VPS8: variants seen among roughly 807,000 people sequenced by gnomAD.
VPS8 encodes VPS8 subunit of CORVET complex, also known as vacuolar protein sorting-associated protein 8 homolog.
In VPS8, 129 loss-of-function variants were observed where a neutral mutation model predicts 216.4. That is an observed-to-expected ratio of 0.60 (90% CI 0.52 to 0.69). The LOEUF is 0.69. VPS8 is among the 30% of genes least tolerant of loss of function. VPS8 has a pLI of 0.00. For synonymous variants in VPS8, 571 were observed against 565.4 expected, an observed-to-expected ratio of 1.01 and a Z score of -0.14; for missense variants, 1,531 against 1,683.5, an observed-to-expected ratio of 0.91 and a Z score of 1.59.
intron 24 of VPS8, among the ~76,000 whole-genome samples, chr3:184,899,435 T>G (rs1032472608): frequency 9.2e-5 from 14 of 152,260 alleles, no homozygotes. Flanking sequence ...GGTAGGCTTC[T>G]TTAAGCACAT....
intron 45 of VPS8, among the ~76,000 whole-genome samples, chr3:185,019,531 T>C (rs762046785): frequency 7.2e-5 from 11 of 152,182 alleles, no homozygotes; most frequent in African/African-American, 1.4e-4. Context: ...AATAAAGGGA[T>C]GGGCCGAAAT....
intron 22 of VPS8, among the ~76,000 whole-genome samples, chr3:184,888,038 A>G (rs1731618309): frequency 6.7e-6 from 1 of 149,214 alleles, no homozygotes; most frequent in African/African-American, 2.5e-5. Context: ...CCCAGGCTGG[A>G]GTGCAGTGGC....
At chr3:184,897,083 T>C (rs1040122161) in intron 23 of VPS8, among the ~76,000 whole-genome samples, 1 of 152,232 alleles carries the variant, frequency 6.6e-6, no homozygotes, top group African/African-American at 2.4e-5. Context: ...AAGGTATAGA[T>C]CTTTCCATTT....
At chr3:184,935,862 A>T (rs1235772780) in intron 34 of VPS8, among the ~76,000 whole-genome samples, 1 of 152,194 alleles carries the variant, frequency 6.6e-6, no homozygotes, top group Non-Finnish European at 1.5e-5. Flanking sequence ...CAGATAAATT[A>T]CAACTATTCT....
intron 30 of VPS8, among the ~76,000 whole-genome samples, chr3:184,926,244 G>C (rs971930763): frequency 6.6e-6 from 1 of 151,850 alleles, no homozygotes; most frequent in Admixed American, 6.6e-5. Context: ...GGGCGTGGTG[G>C]CGGGCACCTG....
intron 15 of VPS8, among the ~76,000 whole-genome samples, chr3:184,860,533 C>G (rs1726157062): frequency 1.3e-5 from 2 of 151,364 alleles, no homozygotes; most frequent in Admixed American, 6.6e-5. Context: ...ATTGAATAAA[C>G]TCTGAATGTG....
chr3:184,904,893 C>A (rs1290054965), intron 25 of VPS8, among the ~76,000 whole-genome samples: 2 of 152,278 alleles, frequency 1.3e-5, no homozygotes, highest in African/African-American at 4.8e-5. Context: ...GCTGCTGTAA[C>A]AGAATACCTA....
At position 185,051,984 on chromosome 3, in the gene VPS8, T is replaced by G; in HGVS notation, c.4246T>G (p.Phe1416Val). ...CAACAGCATCTTCCAGAATGAGAAC[T>G]TCCAGCTGCAGCTCATTCCTCCACC... The part of the protein sequence containing the change: ...AFNSIFQNEN[F>V]QLQLIPPPVT... The change falls in exon 48 of 48, where the codon TTC becomes GTC. Residue 1416 changes from phenylalanine (F) to valine (V), a missense_variant. By Grantham distance (50) the Phe-to-Val change is conservative (BLOSUM62 -1). This residue lies in a region of VPS8 where 1,318 missense variants were observed against 1,468.4 expected (regional missense o/e 0.90). Transcript: ENST00000625842. 1 of 1,611,964 alleles carries G rather than the reference T, an allele frequency of 6.2e-7. No homozygotes were observed. The highest frequency in any genetic ancestry group is 8.5e-7 in the Non-Finnish European group (1 of 1,178,330).
chr3:184,842,927 CTT>C (rs59087346), intron 7 of VPS8, among the ~76,000 whole-genome samples: 3 of 144,232 alleles, frequency 2.1e-5, no homozygotes, highest in African/African-American at 2.5e-5. Flanking sequence ...TAGTTTTCCT[CTT>C]TTTTTTTTTG....
chr3:185,051,337 C>G (rs1465974404), intron 47 of VPS8, among the ~76,000 whole-genome samples: 1 of 152,098 alleles, frequency 6.6e-6, no homozygotes, highest in Non-Finnish European at 1.5e-5. Context: ...TCCAGGGGTT[C>G]CACTCTGGAA....
chr3:184,973,803 T>C (rs944153296), intron 40 of VPS8, among the ~76,000 whole-genome samples: 30 of 152,188 alleles, frequency 2.0e-4, no homozygotes, highest in African/African-American at 7.0e-4. Flanking sequence ...GATATTTGTC[T>C]TTCTGTGCAT....
chr3:184,851,357 T>G (rs1240379191), intron 10 of VPS8, among the ~76,000 whole-genome samples: 1 of 152,162 alleles, frequency 6.6e-6, no homozygotes, highest in African/African-American at 2.4e-5. Flanking sequence ...TCTGAAGTCT[T>G]CTACTGACAT....
chr3:184,816,686 C>G (rs887941586), intron 1 of VPS8, among the ~76,000 whole-genome samples: 11 of 152,206 alleles, frequency 7.2e-5, no homozygotes, highest in Non-Finnish European at 5.9e-5. Context: ...CAGAGACTGA[C>G]AAGCGGTGGG....
intron 21 of VPS8, among the ~76,000 whole-genome samples, chr3:184,873,837 A>G (rs1728775880): frequency 6.6e-6 from 1 of 152,170 alleles, no homozygotes; most frequent in African/African-American, 2.4e-5. Flanking sequence ...CTGGGCCAAC[A>G]TGAATAATTT....
At chr3:184,934,523 A>C (rs1741262464) in intron 34 of VPS8, among the ~76,000 whole-genome samples, 1 of 152,166 alleles carries the variant, frequency 6.6e-6, no homozygotes, top group African/African-American at 2.4e-5. Flanking sequence ...TGCTGTTGTT[A>C]ATGGCATTTT....
At chr3:184,830,539 T>C (rs1719769026) in intron 3 of VPS8, among the ~76,000 whole-genome samples, 1 of 152,074 alleles carries the variant, frequency 6.6e-6, no homozygotes, top group South Asian at 2.1e-4. Flanking sequence ...TTGGGGATAA[T>C]TGATACTTTT....
At chr3:184,992,279 C>G (rs1396861420) in intron 42 of VPS8, among the ~76,000 whole-genome samples, 1 of 152,154 alleles carries the variant, frequency 6.6e-6, no homozygotes, top group Admixed American at 6.5e-5. Flanking sequence ...TTTAATAACC[C>G]TTACTCCCTA....
chr3:184,862,142 G>A lies in VPS8; in HGVS notation c.1225-755G>A, dbSNP rs959489541. 9.9e-5 allele frequency among the ~76,000 whole-genome samples: 15 copies of A among 152,236 alleles called. No individual in the cohort carries two copies. In the East Asian group the frequency reaches 2.9e-3, roughly 29 times the overall value. On this transcript the variant is annotated intron_variant, in intron 15 of 47. Coordinates refer to ENST00000625842, the MANE Select transcript of VPS8 (RefSeq NM_001009921.3). Reference sequence around the variant, plus strand: ...CAAATACACCAGCATGAATACCAGAGACATAAAGGGCAGGGGACGCACTTC... The same window carrying A: ...CAAATACACCAGCATGAATACCAGAAACATAAAGGGCAGGGGACGCACTTC...
At chr3:184,822,070 G>C (rs1304604177) in intron 1 of VPS8, among the ~76,000 whole-genome samples, 1 of 151,624 alleles carries the variant, frequency 6.6e-6, no homozygotes, top group Non-Finnish European at 1.5e-5. Context: ...AAATAGAGAG[G>C]TTCAGAAAAG....
Sources: allele counts gnomAD v4.1 joint callset (sites outside exome capture counted in the v4.1 genomes callset), GRCh38; gene constraint gnomAD v4.1.1; regional missense constraint gnomAD v4.1.1; transcripts MANE v1.5; gene names NCBI Gene and HGNC (gene_info 2026-07-23, HGNC 2026-07-21).